ARHGEF2: variants seen among roughly 807,000 people sequenced by gnomAD.
The protein encoded by ARHGEF2 is Rho/Rac guanine nucleotide exchange factor 2.
ARHGEF2 carries 22 observed loss-of-function variants against 121.0 expected under a neutral mutation model. The ratio of observed to expected loss-of-function variants is 0.18; its 90% CI spans 0.13 to 0.26. The LOEUF (loss-of-function observed/expected upper bound fraction) is 0.26, where lower values mean the gene tolerates loss of function less well. ARHGEF2 is among the 10% of genes least tolerant of loss of function. The pLI is 1.00. For missense variants in ARHGEF2, 907 were observed against 1,336.0 expected (o/e 0.68, Z 5.01); for synonymous variants, 487 against 530.0 (o/e 0.92, Z 1.11).
chr1:155,970,796 G>A (rs867748536), intron 1 of ARHGEF2: 4 of 986,042 alleles, frequency 4.1e-6, no homozygotes, highest in Non-Finnish European at 4.8e-6. Context: ...AGGGCATGGG[G>A]CTGCAGTGCC....
At position 155,962,125 on chromosome 1, in the gene ARHGEF2, C is replaced by T. The variant is rs1475947036; in HGVS notation, c.1199G>A (p.Arg400His). ...CTCACCGTGGGAATGCTGCAGGATG[C>T]GGCTGATGAGTAACGGGTACTTGGT... ...RITKYPLLIS[R>H]ILQHSHGIEE... is the part of the protein sequence containing the mutation. The change falls in exon 10 of 22, where the codon CGC becomes CAC. Residue 400 changes from arginine to histidine, a missense_variant. Physicochemically the swap from Arg to His is conservative, Grantham distance 29. Coordinates refer to ENST00000361247, the MANE Select transcript of ARHGEF2 (RefSeq NM_001162383.2). This position sits in a 1 kb window ranked among gnomAD's most constrained non-coding sequence, Gnocchi z 5.8. 8 of 1,614,182 alleles carry T rather than the reference C, an allele frequency of 5.0e-6. No homozygotes were observed. The highest frequency in any genetic ancestry group is 1.3e-5 in the African/African-American group (1 of 75,048).
chr1:155,962,954 C>T lies in ARHGEF2; in HGVS notation c.954G>A (p.Leu318=). 6.2e-7 allele frequency: 1 copy of T among 1,614,170 alleles called. No individual in the cohort carries two copies. The highest frequency in any genetic ancestry group is 8.5e-7 in the Non-Finnish European group (1 of 1,180,030). The change falls in exon 8 of 22, where the codon TTG becomes TTA. Residue 318 remains leucine (L), a synonymous_variant. Coordinates refer to ENST00000361247, the MANE Select transcript of ARHGEF2 (RefSeq NM_001162383.2). The surrounding 1 kb of genome is among the most constrained non-coding windows in gnomAD (Gnocchi z 5.8). ...CCACCTGGCTGATGAGCAGATCACC[C>T]AAGCGATGGATGACAAAGTTCCGGG... The part of the protein sequence containing the change: ...GSTRNFVIHR[L]GDLLISQFSG...
intron 7 of ARHGEF2, among the ~76,000 whole-genome samples, chr1:155,964,218 T>TA (rs1344787426): frequency 5.7e-5 from 7 of 122,972 alleles, no homozygotes; most frequent in Non-Finnish European, 1.0e-4. Context: ...ATATATATAT[T>TA]TTTTTTTTAG....
chr1:155,950,810 C>T lies in ARHGEF2; in HGVS notation c.2703+19G>A. 1 of 1,516,466 alleles carries T rather than the reference C, an allele frequency of 6.6e-7. No individual in the cohort carries two copies. The highest frequency in any genetic ancestry group is 8.8e-7 in the Non-Finnish European group (1 of 1,132,802). The allele number at this position is 1,516,466 out of a possible 1,614,324, so 93.9% of individuals were successfully genotyped here. On this transcript the variant is annotated intron_variant, in intron 20 of 21. Coordinates refer to ENST00000361247, the MANE Select transcript of ARHGEF2 (RefSeq NM_001162383.2). The surrounding 1 kb of genome is among the most constrained non-coding windows in gnomAD (Gnocchi z 5.2). ...CTTATGTCCACCCCAGGTCCATTCA[C>T]CACTGCAGGCCACCTTACCTGTGGG...
Position 155,965,206 on chromosome 1 carries a change from C to T in ARHGEF2, c.581-75G>A, listed in dbSNP as rs1168290555. The T allele has an allele frequency of 1.2e-6, 2 of 1,607,920 alleles. No individual in the cohort carries two copies. Among genetic ancestry groups the T allele is most frequent in the Non-Finnish European group, 1.7e-6 (2 of 1,175,566 alleles). On this transcript the variant is annotated intron_variant, in intron 6 of 21. Coordinates refer to ENST00000361247, the MANE Select transcript of ARHGEF2 (RefSeq NM_001162383.2). The surrounding 1 kb of genome is among the most constrained non-coding windows in gnomAD (Gnocchi z 6.0). Reference sequence around the variant, plus strand: ...GGGTCCCTGGCCCTTCTCTAGATCCCTTCCCTCCTTGTCCTTCCAGGCTAC... The same window carrying T: ...GGGTCCCTGGCCCTTCTCTAGATCCTTTCCCTCCTTGTCCTTCCAGGCTAC...
chr1:155,978,958 A>G, upstream of ARHGEF2: 6 of 985,300 alleles, frequency 6.1e-6, no homozygotes, highest in Non-Finnish European at 7.2e-6. The surrounding 1 kb of genome is among the most constrained non-coding windows in gnomAD (Gnocchi z 4.1). Flanking sequence ...ATCCGCCCCC[A>G]GCTCTTAGAA....
At chr1:155,964,726 C>G (rs1678993552) in intron 7 of ARHGEF2, among the ~76,000 whole-genome samples, 1 of 151,832 alleles carries the variant, frequency 6.6e-6, no homozygotes, top group African/African-American at 2.4e-5. Flanking sequence ...TTGAAACCAG[C>G]CTGGCTAACA....
chr1:155,965,494 A>G lies in ARHGEF2; in HGVS notation c.471-82T>C. ...AGGTAGGGAACCAAAGCCAGGATCC[A>G]AGAGGCGGTCCCCCTAAGTTCTCCT... On this transcript the variant is annotated intron_variant, in intron 5 of 21. Transcript: ENST00000361247. This position sits in a 1 kb window ranked among gnomAD's most constrained non-coding sequence, Gnocchi z 6.0. 6.2e-7 allele frequency: 1 copy of G among 1,600,192 alleles called. No individual in the cohort carries two copies. The highest frequency in any genetic ancestry group is 8.6e-7 in the Non-Finnish European group (1 of 1,168,114).
chr1:155,948,047 A>T (rs1442899407), intron 21 of ARHGEF2, 32 bp from the exon 22 acceptor site: 2 of 1,530,270 alleles, frequency 1.3e-6, no homozygotes, highest in Non-Finnish European at 1.8e-6. Context: ...CCAGTGAGTT[A>T]GCAGAGACTC....
chr1:155,947,949 T>A lies in ARHGEF2; in HGVS notation c.2954A>T (p.Glu985Val), dbSNP rs1557982866. Reference sequence around the variant, plus strand: ...CAGGGGGGAGGGGCCCCCTTAGCTCTCGGAGGCTACAGCCTCCCCGTCGCG... The same window carrying A: ...CAGGGGGGAGGGGCCCCCTTAGCTCACGGAGGCTACAGCCTCCCCGTCGCG... ...ESRDGEAVAS[E>V]S The change falls in exon 22 of 22, where the codon GAG (glutamate) becomes GTG (valine). Residue 985 changes from glutamate (E) to valine (V), a missense_variant. Transcript: ENST00000361247. The A allele has an allele frequency of 1.3e-6, 2 of 1,550,034 alleles. No individual in the cohort carries two copies. The highest frequency in any genetic ancestry group is 1.7e-6 in the Non-Finnish European group (2 of 1,146,040).
chr1:155,963,265 C>A, intron 7 of ARHGEF2, 82 bp from the exon 8 acceptor site: 1 of 1,411,554 alleles, frequency 7.1e-7, no homozygotes, highest in Non-Finnish European at 9.7e-7. Context: ...CCTCACAGTT[C>A]ACGTGAGGTT....
At chr1:155,974,342 C>T (rs1285893135) in intron 1 of ARHGEF2, among the ~76,000 whole-genome samples, 1 of 152,134 alleles carries the variant, frequency 6.6e-6, no homozygotes, top group Non-Finnish European at 1.5e-5. Context: ...TAATAGTGAC[C>T]GGAGAGCCTG....
chr1:155,964,170 A>ATATATG (rs1558030692), intron 7 of ARHGEF2, among the ~76,000 whole-genome samples: 10 of 63,304 alleles, frequency 1.6e-4, no homozygotes, highest in African/African-American at 1.0e-3. Context: ...AAAAAAAAAT[A>ATATATG]TATATATATA....
intron 2 of ARHGEF2, among the ~76,000 whole-genome samples, chr1:155,967,403 T>C (rs1038609613): frequency 6.6e-6 from 1 of 152,152 alleles, no homozygotes; most frequent in African/African-American, 2.4e-5. Context: ...ATTTCATGTA[T>C]GAGGAACCTG....
At chr1:155,948,091 C>T (rs1674680919) in intron 21 of ARHGEF2, 76 bp from the exon 22 acceptor site, 1 of 1,150,260 alleles carries the variant, frequency 8.7e-7, no homozygotes, top group Non-Finnish European at 1.2e-6. Context: ...CTAATGCCTC[C>T]CCATCTGCAG....
At chr1:155,954,779 A>G (rs1676338547) in intron 14 of ARHGEF2, 123 bp downstream of exon 14, 1 of 878,840 alleles carries the variant, frequency 1.1e-6, no homozygotes, top group African/African-American at 1.7e-5. Context: ...TTCACTTAAT[A>G]TGTTTCAGTT....
Position 155,965,070 on chromosome 1 carries a change from A to C in ARHGEF2, c.642T>G (p.Ala214=). ...DFEMDEKDFA[A]DSWSLAVDSS... ...TGTCCACAGCAAGACTCCAAGAGTC[A>C]GCTGCAAAGTCCTTCTCATCCATCT... is the stretch of plus-strand genomic sequence containing the variant. The change falls in exon 7 of 22, where the codon GCT becomes GCG. Residue 214 remains alanine (A), a synonymous_variant. Coordinates refer to ENST00000361247, the MANE Select transcript of ARHGEF2 (RefSeq NM_001162383.2). The surrounding 1 kb of genome is among the most constrained non-coding windows in gnomAD (Gnocchi z 6.0). 6.2e-7 allele frequency: 1 copy of C among 1,614,172 alleles called. No individual in the cohort carries two copies.
At chr1:155,968,110 T>C in intron 2 of ARHGEF2, 1 of 152,104 alleles carries the variant, frequency 6.6e-6, no homozygotes, top group East Asian at 1.9e-4. Flanking sequence ...CAGGTCTCTA[T>C]AGGGATCTAG....
intron 13 of ARHGEF2, among the ~76,000 whole-genome samples, chr1:155,956,224 G>A (rs1384892045): frequency 6.6e-6 from 1 of 151,816 alleles, no homozygotes; most frequent in Admixed American, 6.6e-5. Flanking sequence ...TCAGCTTCCC[G>A]CGTAACTGGG....
Sources: allele counts gnomAD v4.1 joint callset (sites outside exome capture counted in the v4.1 genomes callset), GRCh38; gene constraint gnomAD v4.1.1; non-coding constraint Gnocchi (gnomAD v3.1); transcripts MANE v1.5; gene names NCBI Gene and HGNC (gene_info 2026-07-23, HGNC 2026-07-21).